The following MAPK10 variants were observed in gnomAD, a reference collection of about 807,000 sequenced individuals.
The protein encoded by MAPK10 is mitogen-activated protein kinase 10.
A neutral mutation model predicts 59.3 loss-of-function variants in MAPK10; 25 were observed. The observed-to-expected ratio is 0.42, with a 90% confidence interval of 0.31 to 0.59. The LOEUF is 0.59. MAPK10 is among the 20% of genes least tolerant of loss of function. MAPK10 has a pLI of 0.15. For missense variants in MAPK10, 351 were observed against 568.9 expected (o/e 0.62, Z 3.90); for synonymous variants, 190 against 200.5 (o/e 0.95, Z 0.44).
chr4:86,294,527 GAAAAAGAAAAAAA>G (rs2095308326), intron 2 of MAPK10, among the ~76,000 whole-genome samples: 3 of 140,616 alleles, frequency 2.1e-5, no homozygotes, highest in East Asian at 2.0e-4. Context: ...CTCCTACTGT[GAAAAAGAAAAAAA>G]AAAAAGAAAA....
At chr4:86,442,604 C>A (rs1749537754) in intron 1 of MAPK10, among the ~76,000 whole-genome samples, 1 of 152,238 alleles carries the variant, frequency 6.6e-6, no homozygotes, top group African/African-American at 2.4e-5. Flanking sequence ...TGGTATGTAC[C>A]TTTCTGTTAG....
chr4:86,511,449 C>T (rs1165530621), intron 1 of MAPK10, among the ~76,000 whole-genome samples: 1 of 151,986 alleles, frequency 6.6e-6, no homozygotes, highest in African/African-American at 2.4e-5. Flanking sequence ...TCCTGTAATC[C>T]CAGCTACTCA....
chr4:86,058,245 G>A (rs1322860004), intron 11 of MAPK10, among the ~76,000 whole-genome samples: 1 of 149,644 alleles, frequency 6.7e-6, no homozygotes, highest in Non-Finnish European at 1.5e-5. Context: ...TCCGTTCCCT[G>A]GTTACTTCTC....
chr4:86,428,085 G>T (rs1747536380), intron 1 of MAPK10, among the ~76,000 whole-genome samples: 2 of 152,022 alleles, frequency 1.3e-5, no homozygotes, highest in Admixed American at 1.3e-4. Context: ...GGCAGAAAAA[G>T]GGCTGAAGAA....
intron 2 of MAPK10, among the ~76,000 whole-genome samples, chr4:86,250,298 G>T (rs929967224): frequency 6.6e-6 from 1 of 152,096 alleles, no homozygotes; most frequent in Admixed American, 6.6e-5. Context: ...GCAAGTGGCT[G>T]GTTTTAAAGT....
At chr4:86,177,337 G>T (rs1201895657) in intron 3 of MAPK10, among the ~76,000 whole-genome samples, 2 of 152,002 alleles carry the variant, frequency 1.3e-5, no homozygotes, top group East Asian at 3.9e-4. Context: ...CATTATGCAG[G>T]TTTTTCCTTT....
At chr4:86,100,740 T>C (rs139772327) in intron 8 of MAPK10, 97 of 205,144 alleles carry the variant, frequency 4.7e-4, no homozygotes, top group African/African-American at 2.1e-3. Flanking sequence ...GCAACCCAAA[T>C]AGCAATTTTT....
chr4:86,516,771 A>C (rs1459241207), intron 1 of MAPK10, among the ~76,000 whole-genome samples: 1 of 152,160 alleles, frequency 6.6e-6, no homozygotes, highest in African/African-American at 2.4e-5. Flanking sequence ...TTTTATCCTG[A>C]AATTTTACTG....
chr4:86,085,638 A>G (rs1421351890), intron 9 of MAPK10, among the ~76,000 whole-genome samples: 1 of 152,174 alleles, frequency 6.6e-6, no homozygotes, highest in African/African-American at 2.4e-5. Flanking sequence ...ACACTTGCAC[A>G]TTCCTGGAAG....
chr4:86,317,566 T>C (rs1366716561), intron 2 of MAPK10, among the ~76,000 whole-genome samples: 1 of 152,200 alleles, frequency 6.6e-6, no homozygotes, highest in African/African-American at 2.4e-5. Flanking sequence ...CCTTTAGAGT[T>C]CAAACTCTGT....
At chr4:86,408,388 T>C (rs1744658450) in intron 1 of MAPK10, among the ~76,000 whole-genome samples, 1 of 152,204 alleles carries the variant, frequency 6.6e-6, no homozygotes, top group Non-Finnish European at 1.5e-5. Flanking sequence ...TATAGTAGCA[T>C]GATTAAAAAT....
intron 2 of MAPK10, among the ~76,000 whole-genome samples, chr4:86,197,335 G>A (rs999173047): frequency 2.0e-5 from 3 of 152,052 alleles, no homozygotes; most frequent in African/African-American, 4.8e-5. Context: ...GTTGTGAATG[G>A]GAGTTCACTC....
rs1367836074 is a variant in MAPK10, at chr4:86,012,007, A to C, written c.*5221T>G. 1 of 152,208 alleles carries C rather than the reference A, an allele frequency of 6.6e-6. No homozygotes were observed. Among genetic ancestry groups the C allele is most frequent in the African/African-American group, 2.4e-5 (1 of 41,456 alleles). 9.4% of individuals were successfully genotyped at this position (152,208 alleles called of 1,614,324 possible). A position where few individuals can be genotyped will look rare whatever the true frequency, so the allele number is the denominator to read the frequency against. ...AGTTGGATATCATGTAGCTAAACAAAGGCTTTTACCTTTTCTCTTGGAAAA... is the reference window on the plus strand; with the variant it reads ...AGTTGGATATCATGTAGCTAAACAACGGCTTTTACCTTTTCTCTTGGAAAA... On this transcript the variant is annotated 3_prime_UTR_variant, in exon 14 of 14. Transcript: ENST00000641462.
At chr4:86,458,443 C>T (rs934478324) in intron 1 of MAPK10, among the ~76,000 whole-genome samples, 2 of 151,842 alleles carry the variant, frequency 1.3e-5, no homozygotes, top group African/African-American at 4.8e-5. Context: ...GCCTGGGCAA[C>T]AGAGCGAAAC....
intron 1 of MAPK10, among the ~76,000 whole-genome samples, chr4:86,417,610 A>C (rs1019823248): frequency 6.6e-6 from 1 of 152,188 alleles, no homozygotes; most frequent in South Asian, 2.1e-4. Flanking sequence ...GTTATGTTTA[A>C]TATCCACATA....
chr4:86,560,222 A>C (rs1760570440), intron 1 of MAPK10, among the ~76,000 whole-genome samples: 2 of 152,224 alleles, frequency 1.3e-5, no homozygotes, highest in Non-Finnish European at 1.5e-5. Context: ...AAGACTTTTC[A>C]ATATAGAAAA....
intron 1 of MAPK10, among the ~76,000 whole-genome samples, chr4:86,545,341 C>CG (rs1296889231): frequency 1.3e-5 from 2 of 152,038 alleles, no homozygotes; most frequent in African/African-American, 4.8e-5. Flanking sequence ...TCATCCGTGG[C>CG]GGGGAGAGGA....
At chr4:86,522,299 C>T (rs1757167704) in intron 1 of MAPK10, among the ~76,000 whole-genome samples, 1 of 152,140 alleles carries the variant, frequency 6.6e-6, no homozygotes, top group Admixed American at 6.5e-5. Flanking sequence ...CCAGAAAGCC[C>T]AGACATGTAA....
At chr4:86,148,306 G>A (rs1385083883) in intron 4 of MAPK10, among the ~76,000 whole-genome samples, 1 of 152,070 alleles carries the variant, frequency 6.6e-6, no homozygotes, top group Non-Finnish European at 1.5e-5. Context: ...GGATTCCCAG[G>A]GAAAATGGCA....
Sources: allele counts gnomAD v4.1 joint callset (sites outside exome capture counted in the v4.1 genomes callset), GRCh38; gene constraint gnomAD v4.1.1; transcripts MANE v1.5; gene names NCBI Gene and HGNC (gene_info 2026-07-23, HGNC 2026-07-21).